Variants in PLXNA4 observed in about 807,000 individuals in gnomAD.
PLXNA4 encodes the protein plexin-A4.
In PLXNA4, 44 loss-of-function variants were observed where a neutral mutation model predicts 191.8. The ratio of observed to expected loss-of-function variants is 0.23; its 90% CI spans 0.18 to 0.29. The LOEUF is 0.29. Among genes scored for constraint, PLXNA4 ranks in the 10% least tolerant of loss-of-function variants. The pLI is 1.00. For missense variants in PLXNA4, 1,800 were observed against 2,488.8 expected, an observed-to-expected ratio of 0.72 and a Z score of 5.89; for synonymous variants, 1,082 against 1,009.5, an observed-to-expected ratio of 1.07 and a Z score of -1.36.
chr7:132,507,482 G>A, intron 2 of PLXNA4, 24 bp downstream of exon 2: 2 of 1,580,904 alleles, frequency 1.3e-6, no homozygotes, highest in Non-Finnish European at 1.7e-6. Flanking sequence ...AACCATCCCA[G>A]CGCGCAGCCC....
intron 2 of PLXNA4, among the ~76,000 whole-genome samples, chr7:132,604,134 CCT>C (rs5887585): frequency 0.82 from 123,941 of 151,902 alleles, 53,140 homozygotes; most frequent in Non-Finnish European, 0.97. Flanking sequence ...CTCCACTACC[CCT>C]CTGTGTTCTG....
intron 3 of PLXNA4, among the ~76,000 whole-genome samples, chr7:132,393,625 C>T (rs973361354): frequency 1.3e-5 from 2 of 152,186 alleles, no homozygotes; most frequent in East Asian, 3.9e-4. Flanking sequence ...ATGCAGAGTG[C>T]AGCAAGACAT....
Position 132,508,395 on chromosome 7 carries a change from A to G in PLXNA4, c.299T>C (p.Ile100Thr). 6.2e-7 allele frequency: 1 copy of G among 1,614,120 alleles called. No individual in the cohort carries two copies. The highest frequency in any genetic ancestry group is 8.5e-7 in the Non-Finnish European group (1 of 1,180,026). The change falls in exon 2 of 32, where the codon ATC (isoleucine) becomes ACC (threonine). Residue 100 changes from isoleucine to threonine, a missense_variant. Ile to Thr is a moderately conservative substitution (Grantham distance 89). This residue lies in a region of PLXNA4 where 1,397 missense variants were observed against 1,880.4 expected (regional missense o/e 0.74). Coordinates refer to ENST00000321063, the MANE Select transcript of PLXNA4 (RefSeq NM_020911.2). This position sits in a 1 kb window ranked among gnomAD's most constrained non-coding sequence, Gnocchi z 4.4. ...CAGGGGCTCATTGCAGGTCTGGACG[A>G]TGCGGGGTGGGTAACACTTGGGGTT... is the stretch of plus-strand genomic sequence containing the variant. ...EDNPKCYPPR[I>T]VQTCNEPLTT...
At chr7:132,545,938 C>T (rs1053827337) in intron 1 of PLXNA4, among the ~76,000 whole-genome samples, 1 of 152,206 alleles carries the variant, frequency 6.6e-6, no homozygotes, top group African/African-American at 2.4e-5. Context: ...AGAAGAGGAC[C>T]AGCAGTTGCC....
chr7:132,471,665 C>T (rs758932589), intron 3 of PLXNA4, among the ~76,000 whole-genome samples: 9 of 152,164 alleles, frequency 5.9e-5, no homozygotes, highest in Non-Finnish European at 8.8e-5. Context: ...TCCCTGGGAC[C>T]GTTTGAGTTC....
At chr7:132,622,435 T>C (rs961288009) in intron 2 of PLXNA4, among the ~76,000 whole-genome samples, 1 of 151,728 alleles carries the variant, frequency 6.6e-6, no homozygotes, top group African/African-American at 2.4e-5. Flanking sequence ...GCAAATGCTA[T>C]AAAAAACATT....
At chr7:132,282,611 A>G (rs1375870460) in intron 4 of PLXNA4, among the ~76,000 whole-genome samples, 30 of 5,424 alleles carry the variant, frequency 5.5e-3, no homozygotes, top group African/African-American at 0.03. Context: ...CTTGTCTCAG[A>G]AAAAAAAAAA....
chr7:132,151,053 AG>A (rs1281983657), intron 25 of PLXNA4, among the ~76,000 whole-genome samples: 1 of 152,184 alleles, frequency 6.6e-6, no homozygotes, highest in Non-Finnish European at 1.5e-5. Context: ...ATATGGAGAG[AG>A]GGGGCTGGAA....
At chr7:132,610,642 G>C (rs1445646489) in intron 2 of PLXNA4, among the ~76,000 whole-genome samples, 4 of 152,196 alleles carry the variant, frequency 2.6e-5, no homozygotes, top group African/African-American at 9.6e-5. Flanking sequence ...GCATGCATGG[G>C]AAGAGGGTCA....
At chr7:132,566,745 C>G (rs937299490) in intron 1 of PLXNA4, among the ~76,000 whole-genome samples, 1 of 152,162 alleles carries the variant, frequency 6.6e-6, no homozygotes, top group Non-Finnish European at 1.5e-5. Flanking sequence ...GGCATTCACA[C>G]TTTTTGAATT....
At chr7:132,307,626 C>T (rs891173882) in intron 3 of PLXNA4, among the ~76,000 whole-genome samples, 2 of 151,962 alleles carry the variant, frequency 1.3e-5, no homozygotes, top group Non-Finnish European at 2.9e-5. Flanking sequence ...ATGGAAACTG[C>T]CCAGCCAGGC....
At chr7:132,310,018 C>T (rs1380884047) in intron 3 of PLXNA4, among the ~76,000 whole-genome samples, 2 of 152,212 alleles carry the variant, frequency 1.3e-5, no homozygotes, top group Non-Finnish European at 1.5e-5. Flanking sequence ...GGTGTGACAG[C>T]CATGAGTGTG....
rs767107873 is a variant in PLXNA4, at chr7:132,125,301, GAGA to G, written c.*5175_*5177del. 1.3e-5 allele frequency: 2 copies of G among 152,228 alleles called. No individual in the cohort carries two copies. Among genetic ancestry groups the G allele is most frequent in the Admixed American group, 6.5e-5 (1 of 15,288 alleles). The allele number at this position is 152,228 out of a possible 1,614,324, so 9.4% of individuals were successfully genotyped here. ...AGGGTGAGGTGGCAGGAGGCGGTAG[GAGA>G]AGGACTCCATCTGTCAAAAGTGTGG... On this transcript the variant is annotated 3_prime_UTR_variant, in exon 32 of 32. Transcript: ENST00000321063.
chr7:132,250,390 G>T (rs867458001), intron 4 of PLXNA4, among the ~76,000 whole-genome samples: 2 of 152,208 alleles, frequency 1.3e-5, no homozygotes, highest in Non-Finnish European at 2.9e-5. Flanking sequence ...GAATGAATGT[G>T]GTTCCTATTA....
chr7:132,350,342 T>A (rs564018212), intron 3 of PLXNA4, among the ~76,000 whole-genome samples: 1 of 151,728 alleles, frequency 6.6e-6, no homozygotes, highest in South Asian at 2.1e-4. Flanking sequence ...TCATCTCTAC[T>A]AAAAAATACA....
intron 3 of PLXNA4, among the ~76,000 whole-genome samples, chr7:132,378,334 G>C (rs1430437487): frequency 6.6e-6 from 1 of 152,124 alleles, no homozygotes; most frequent in Non-Finnish European, 1.5e-5. Flanking sequence ...TTAACTCAGA[G>C]CTCCAGCTTC....
chr7:132,530,908 A>G (rs191963540), intron 1 of PLXNA4, among the ~76,000 whole-genome samples: 66 of 152,388 alleles, frequency 4.3e-4, no homozygotes, highest in Admixed American at 1.0e-3. Context: ...CATATAAAGA[A>G]TGAAGTTTTG....
chr7:132,281,877 C>T (rs530900860), intron 4 of PLXNA4, among the ~76,000 whole-genome samples: 2 of 152,282 alleles, frequency 1.3e-5, no homozygotes, highest in South Asian at 4.1e-4. Context: ...GTCACTTGTA[C>T]ATCATTGCAA....
At chr7:132,465,665 T>C (rs902966274) in intron 3 of PLXNA4, among the ~76,000 whole-genome samples, 1 of 152,174 alleles carries the variant, frequency 6.6e-6, no homozygotes, top group Non-Finnish European at 1.5e-5. Flanking sequence ...CTCTCCCATG[T>C]GCTGTCATCC....
Sources: allele counts gnomAD v4.1 joint callset (sites outside exome capture counted in the v4.1 genomes callset), GRCh38; gene constraint gnomAD v4.1.1; regional missense constraint gnomAD v4.1.1; non-coding constraint Gnocchi (gnomAD v3.1); transcripts MANE v1.5; gene names NCBI Gene and HGNC (gene_info 2026-07-23, HGNC 2026-07-21).